The following CNTN5 variants were observed in gnomAD, a reference collection of about 807,000 sequenced individuals.
CNTN5 encodes the protein contactin 5.
A neutral mutation model predicts 129.1 loss-of-function variants in CNTN5; 77 were observed. The ratio of observed to expected loss-of-function variants is 0.60; its 90% confidence interval spans 0.50 to 0.72. CNTN5 has a LOEUF of 0.72. Ranked by LOEUF, CNTN5 falls within the 30% of genes least tolerant of loss-of-function variation. The probability of loss-of-function intolerance (pLI) is 0.00; values close to 1 mark genes in which losing one functional copy is unlikely to be tolerated. For missense variants in CNTN5, 1,478 were observed against 1,328.8 expected, an observed-to-expected ratio of 1.11 and a Z score of -1.75; for synonymous variants, 509 against 465.6, an observed-to-expected ratio of 1.09 and a Z score of -1.20.
chr11:99,909,087 A>G (rs1949586552), intron 6 of CNTN5, among the ~76,000 whole-genome samples: 4 of 152,064 alleles, frequency 2.6e-5, no homozygotes, highest in Admixed American at 2.0e-4. Context: ...TCTTCATATA[A>G]TGGATGTTAG....
At chr11:99,432,350 G>A (rs926419843) in intron 2 of CNTN5, among the ~76,000 whole-genome samples, 12 of 152,194 alleles carry the variant, frequency 7.9e-5, no homozygotes, top group African/African-American at 2.6e-4. Context: ...TCCAGATACC[G>A]TCAACTGCAC....
chr11:99,681,178 T>A (rs1039814153), intron 3 of CNTN5, among the ~76,000 whole-genome samples: 1 of 152,094 alleles, frequency 6.6e-6, no homozygotes, highest in Non-Finnish European at 1.5e-5. Flanking sequence ...CTGGTGAAGA[T>A]GCTGTGAACA....
chr11:99,187,123 G>A (rs17133210), intron 1 of CNTN5, among the ~76,000 whole-genome samples: 32,111 of 151,742 alleles, frequency 0.21, 3,477 homozygotes, highest in Middle Eastern at 0.26. Flanking sequence ...AAAATTCTAC[G>A]TGTATCCAGT....
intron 15 of CNTN5, among the ~76,000 whole-genome samples, chr11:100,210,959 G>A (rs1267369837): frequency 1.3e-5 from 2 of 152,084 alleles, no homozygotes; most frequent in Non-Finnish European, 2.9e-5. Flanking sequence ...CTATTTCTAG[G>A]TAGTTGACAC....
At chr11:99,119,863 T>C (rs911439695) in intron 1 of CNTN5, among the ~76,000 whole-genome samples, 5 of 152,150 alleles carry the variant, frequency 3.3e-5, no homozygotes, top group African/African-American at 1.2e-4. Context: ...TGATTTGCAT[T>C]TTTCTAATGA....
At chr11:99,627,171 G>A (rs1951162245) in intron 3 of CNTN5, among the ~76,000 whole-genome samples, 1 of 152,080 alleles carries the variant, frequency 6.6e-6, no homozygotes, top group South Asian at 2.1e-4. Flanking sequence ...CACTCCATGA[G>A]ATTGCCAAGA....
At chr11:100,256,687 A>G (rs1950077133) in intron 17 of CNTN5, among the ~76,000 whole-genome samples, 1 of 152,070 alleles carries the variant, frequency 6.6e-6, no homozygotes, top group African/African-American at 2.4e-5. Flanking sequence ...CTCACCCAGG[A>G]AGCATAGGGG....
intron 1 of CNTN5, among the ~76,000 whole-genome samples, chr11:99,098,528 C>T (rs936117405): frequency 1.6e-4 from 25 of 152,154 alleles, no homozygotes; most frequent in Middle Eastern, 6.8e-3. Flanking sequence ...GAAAAATCAG[C>T]TCTCTGCTAC....
rs1952395349 is a variant in CNTN5, at chr11:100,350,852, A to G, written c.3181A>G (p.Arg1061Gly). Residue 1061 changes from arginine (R) to glycine (G), a missense_variant, in exon 24 of 25, where the codon AGG becomes GGG. By Grantham distance (125) the Arg-to-Gly change is moderately radical. Transcript: ENST00000524871. Reference protein sequence around the residue: ...GGDGTASSQIRVPSYSGGKIT... With the variant: ...GGDGTASSQIGVPSYSGGKIT... ...AGATGGAACAGCTAGTTCTCAAATTAGGGTACCATCATATTCAGGTAAGTT... is the reference window on the plus strand; with the variant it reads ...AGATGGAACAGCTAGTTCTCAAATTGGGGTACCATCATATTCAGGTAAGTT... The G allele has an allele frequency of 6.3e-7, 1 of 1,589,786 alleles. No homozygotes were observed. The highest frequency in any genetic ancestry group is 8.6e-7 in the Non-Finnish European group (1 of 1,166,194).
At chr11:100,279,970 G>T (rs1950600069) in intron 18 of CNTN5, among the ~76,000 whole-genome samples, 2 of 139,040 alleles carry the variant, frequency 1.4e-5, no homozygotes, top group Admixed American at 7.2e-5. Flanking sequence ...TCTTAGGATT[G>T]CTTTTGCTGT....
At chr11:99,975,326 G>T (rs1349720945) in intron 8 of CNTN5, among the ~76,000 whole-genome samples, 2 of 152,136 alleles carry the variant, frequency 1.3e-5, no homozygotes, top group African/African-American at 4.8e-5. Flanking sequence ...TTTCGGACTT[G>T]CATGAGGCCT....
At chr11:99,230,878 C>T (rs1043472590) in intron 1 of CNTN5, among the ~76,000 whole-genome samples, 1 of 152,086 alleles carries the variant, frequency 6.6e-6, no homozygotes, top group Non-Finnish European at 1.5e-5. Context: ...TTGTTTAGTT[C>T]CCACTTATAA....
intron 7 of CNTN5, among the ~76,000 whole-genome samples, chr11:99,925,830 AAATCCAGAG>A (rs1486852761): frequency 2.0e-4 from 31 of 152,256 alleles, no homozygotes; most frequent in African/African-American, 6.7e-4. Flanking sequence ...ATAAGTAAAC[AAATCCAGAG>A]AATATAAGAG....
intron 3 of CNTN5, among the ~76,000 whole-genome samples, chr11:99,613,419 C>A (rs577910289): frequency 1.3e-5 from 2 of 152,144 alleles, no homozygotes; most frequent in Non-Finnish European, 2.9e-5. Flanking sequence ...GAGGCCTCCC[C>A]AGCCGTGCTG....
At chr11:100,129,835 GTGTT>G (rs775041850) in intron 13 of CNTN5, among the ~76,000 whole-genome samples, 10 of 148,354 alleles carry the variant, frequency 6.7e-5, no homozygotes, top group Non-Finnish European at 1.5e-4. Context: ...ATTTGTGTGT[GTGTT>G]TGTGTGTGTG....
At position 99,110,350 on chromosome 11, in the gene CNTN5, A is replaced by G. The variant is rs1245423256; in HGVS notation, c.-210+89080A>G. On this transcript the variant is annotated intron_variant, in intron 1 of 24. Coordinates refer to ENST00000524871, the MANE Select transcript of CNTN5 (RefSeq NM_014361.4). ...AAGAAGTAATCAGCAGTTGTGTCAGATTGCTGATTTAGTATGGAATATCTC... is the reference window on the plus strand; with the variant it reads ...AAGAAGTAATCAGCAGTTGTGTCAGGTTGCTGATTTAGTATGGAATATCTC... Among the ~76,000 whole-genome samples the G allele has an allele frequency of 2.3e-4, 35 of 152,176 alleles. 1 individual carries two copies. The highest frequency in any genetic ancestry group is 2.3e-3 in the Admixed American group (35 of 15,258).
At chr11:100,035,274 C>T (rs1295094389) in intron 9 of CNTN5, among the ~76,000 whole-genome samples, 1 of 150,836 alleles carries the variant, frequency 6.6e-6, no homozygotes, top group Admixed American at 6.6e-5. Flanking sequence ...CCAATTTCAT[C>T]CATGTCCCTA....
chr11:100,174,530 A>G (rs10501949), intron 13 of CNTN5, among the ~76,000 whole-genome samples: 4,701 of 152,212 alleles, frequency 0.031, 244 homozygotes, highest in African/African-American at 0.11. Context: ...AAACATTGAA[A>G]TGAGAAGCCA....
At chr11:99,044,088 A>T (rs1864109131) in intron 1 of CNTN5, among the ~76,000 whole-genome samples, 1 of 152,220 alleles carries the variant, frequency 6.6e-6, no homozygotes, top group African/African-American at 2.4e-5. Flanking sequence ...TAGACCTAGT[A>T]GGTAAAGAAC....
Sources: allele counts gnomAD v4.1 joint callset (sites outside exome capture counted in the v4.1 genomes callset), GRCh38; gene constraint gnomAD v4.1.1; transcripts MANE v1.5; gene names NCBI Gene and HGNC (gene_info 2026-07-23, HGNC 2026-07-21).